The following SYNE3 variants were observed in gnomAD, a reference collection of about 807,000 sequenced individuals.
The protein encoded by SYNE3 is nesprin-3.
A neutral mutation model predicts 111.2 loss-of-function variants in SYNE3; 100 were observed. That is an observed-to-expected ratio of 0.90 (90% CI 0.77 to 1.06). The LOEUF (loss-of-function observed/expected upper bound fraction) is 1.06, where lower values mean the gene tolerates loss of function less well. Among genes scored for constraint, SYNE3 ranks in the 50% least tolerant of loss-of-function variants. The pLI is 0.00. For missense variants in SYNE3, 1,160 were observed against 1,240.3 expected (o/e 0.94, Z 0.97); for synonymous variants, 547 against 533.9 (o/e 1.02, Z -0.34).
In SYNE3 at chr14:95,449,829, C is replaced by T. The variant is rs536318413; in HGVS notation, c.1449+102G>A. On this transcript the variant is annotated intron_variant, in intron 8 of 17. Coordinates refer to ENST00000682763, the MANE Select transcript of SYNE3 (RefSeq NM_152592.6). ...GCGCAGTGAGCTCTCCCCAGATATC[C>T]GGAGGACCCGGAAACGGACCTTCCC... 4.1e-6 allele frequency: 6 copies of T among 1,471,328 alleles called. No homozygotes were observed. In the South Asian group the frequency reaches 8.3e-5, roughly 20 times the overall value. The allele number at this position is 1,471,328 out of a possible 1,614,324, so 91.1% of individuals were successfully genotyped here.
intron 6 of SYNE3, among the ~76,000 whole-genome samples, chr14:95,453,953 T>C (rs990690266): frequency 6.6e-6 from 1 of 152,244 alleles, no homozygotes; most frequent in Non-Finnish European, 1.5e-5. Flanking sequence ...GGACCTATAA[T>C]GTTGTCAGGT....
At position 95,411,408 on chromosome 14, in the gene SYNE3, T is replaced by C. The variant is rs1254874794; in HGVS notation, c.*6418A>G. On this transcript the variant is annotated 3_prime_UTR_variant, in exon 18 of 18. Transcript: ENST00000682763. The stretch of plus-strand genomic sequence containing the variant: ...ACAGGTGTAAGGATGTCAAACAGGT[T>C]TTGCTCACATAAGAAAATGATTGAT... 1 of 152,102 alleles carries C rather than the reference T, an allele frequency of 6.6e-6. No individual in the cohort carries two copies. Among genetic ancestry groups the C allele is most frequent in the Non-Finnish European group, 1.5e-5 (1 of 68,036 alleles). 9.4% of individuals were successfully genotyped at this position (152,102 alleles called of 1,614,324 possible). A position where few individuals can be genotyped will look rare whatever the true frequency, so the allele number is the denominator to read the frequency against.
chr14:95,483,838 G>T (rs10143770), intron 1 of SYNE3, among the ~76,000 whole-genome samples: 7,573 of 152,242 alleles, frequency 0.05, 325 homozygotes, highest in African/African-American at 0.11. Flanking sequence ...CCACCAGCTA[G>T]GCATGGTTAC....
intron 17 of SYNE3, among the ~76,000 whole-genome samples, chr14:95,423,726 G>A (rs1885276093): frequency 7.9e-6 from 1 of 126,582 alleles, no homozygotes. Context: ...GATGGGGATG[G>A]GGATTTGATG....
intron 1 of SYNE3, among the ~76,000 whole-genome samples, chr14:95,503,999 G>A (rs904818700): frequency 2.6e-5 from 4 of 152,148 alleles, no homozygotes; most frequent in Non-Finnish European, 4.4e-5. Flanking sequence ...CTGCAGAGGC[G>A]GCTTCTAAAC....
rs1439841227 is a variant in SYNE3 at position 95,410,688 on chromosome 14, T to C, written c.*7138A>G. The C allele has an allele frequency of 6.6e-6, 1 of 152,228 alleles. No homozygotes were observed. 9.4% of individuals were successfully genotyped at this position (152,228 alleles called of 1,614,324 possible). On this transcript the variant is annotated 3_prime_UTR_variant, in exon 18 of 18. Transcript: ENST00000682763. ...GCCAGCAACCGCCTATATCTAGACT[T>C]CTCAGGAGGAGAGAAAAGTAAAGTC... is the stretch of plus-strand genomic sequence containing the variant.
chr14:95,481,087 G>A (rs1300019501), intron 1 of SYNE3, among the ~76,000 whole-genome samples: 1 of 152,250 alleles, frequency 6.6e-6, no homozygotes, highest in Non-Finnish European at 1.5e-5. Flanking sequence ...AGTAATAGGT[G>A]CGTGGGGCAC....
In SYNE3 at chr14:95,467,335, G is replaced by T. The variant is rs758381808; in HGVS notation, c.317+460C>A. ...CCCATTGTCCAGAGAGGTGCTTGAG[G>T]TTCAGCGAGGTCAGGTAACTTTCCC... On this transcript the variant is annotated intron_variant, in intron 3 of 17. Coordinates refer to ENST00000682763, the MANE Select transcript of SYNE3 (RefSeq NM_152592.6). Among the ~76,000 whole-genome samples the T allele has an allele frequency of 2.6e-4, 39 of 152,124 alleles. 2 individuals carry two copies. The highest frequency in any genetic ancestry group is 5.9e-5 in the Non-Finnish European group (4 of 68,014).
chr14:95,419,560 A>G (rs1747019), intron 17 of SYNE3, among the ~76,000 whole-genome samples: 116,836 of 151,876 alleles, frequency 0.77, 45,795 homozygotes, highest in African/African-American at 0.87. Flanking sequence ...CTGGCTCCCT[A>G]AAGAACCAAG....
At chr14:95,443,404 G>T in intron 10 of SYNE3, 115 bp from the exon 11 acceptor site, 1 of 1,340,966 alleles carries the variant, frequency 7.5e-7, no homozygotes. Flanking sequence ...ATTCCCCAAG[G>T]CGGTGGGGCT....
intron 8 of SYNE3, among the ~76,000 whole-genome samples, 158 bp from the exon 9 acceptor site, chr14:95,446,249 G>C (rs1219958205): frequency 6.6e-6 from 1 of 152,192 alleles, no homozygotes; most frequent in African/African-American, 2.4e-5. Flanking sequence ...AAAATGAGCT[G>C]GCAGGAATGC....
At chr14:95,488,554 G>A (rs905379621) in intron 1 of SYNE3, among the ~76,000 whole-genome samples, 3 of 152,026 alleles carry the variant, frequency 2.0e-5, no homozygotes, top group South Asian at 2.1e-4. Context: ...AAGGCCAGGC[G>A]TGGTGGCTCA....
At chr14:95,490,263 T>C (rs1033283368) in intron 1 of SYNE3, among the ~76,000 whole-genome samples, 1 of 152,242 alleles carries the variant, frequency 6.6e-6, no homozygotes, top group Non-Finnish European at 1.5e-5. Context: ...CATATTTCCA[T>C]GTTATAACGC....
intron 15 of SYNE3, among the ~76,000 whole-genome samples, chr14:95,435,640 C>T (rs1886044416): frequency 6.6e-6 from 1 of 152,050 alleles, no homozygotes; most frequent in Non-Finnish European, 1.5e-5. Context: ...AGAGAGTTTT[C>T]CAGAAAGATC....
chr14:95,511,373 G>A (rs938392435), intron 1 of SYNE3, among the ~76,000 whole-genome samples: 75 of 152,216 alleles, frequency 4.9e-4, no homozygotes, highest in South Asian at 2.5e-3. Context: ...TGGTTCCATC[G>A]TAAAATGTAA....
intron 2 of SYNE3, among the ~76,000 whole-genome samples, chr14:95,473,481 G>T (rs1888659251): frequency 6.6e-6 from 1 of 152,112 alleles, no homozygotes; most frequent in Non-Finnish European, 1.5e-5. Context: ...CAGGAGAGAT[G>T]CACGGACAGG....
At chr14:95,455,837 G>C (rs1440337511) in intron 5 of SYNE3, 113 bp from the exon 6 acceptor site, 2 of 1,099,738 alleles carry the variant, frequency 1.8e-6, no homozygotes, top group Admixed American at 2.3e-5. Context: ...CTGGAGTCCT[G>C]CGTTAGAGCC....
chr14:95,459,850 C>A (rs1200453895), intron 4 of SYNE3, among the ~76,000 whole-genome samples: 1 of 152,078 alleles, frequency 6.6e-6, no homozygotes, highest in Non-Finnish European at 1.5e-5. Flanking sequence ...ATAATTCTAG[C>A]ATTTTGGGAG....
chr14:95,514,401 A>C (rs1199786585), intron 1 of SYNE3, among the ~76,000 whole-genome samples: 4 of 152,234 alleles, frequency 2.6e-5, no homozygotes, highest in African/African-American at 9.6e-5. Flanking sequence ...GGGGTGAGCC[A>C]GGACTACCCA....
Sources: allele counts gnomAD v4.1 joint callset (sites outside exome capture counted in the v4.1 genomes callset), GRCh38; gene constraint gnomAD v4.1.1; transcripts MANE v1.5; gene names NCBI Gene and HGNC (gene_info 2026-07-23, HGNC 2026-07-21).